The following MAP1S variants were observed in gnomAD, a reference collection of about 807,000 sequenced individuals.
MAP1S encodes the protein microtubule-associated protein 1S.
Under a neutral mutation model 60.9 loss-of-function variants are expected in MAP1S, and 27 were observed. The ratio of observed to expected loss-of-function variants is 0.44; its 90% CI spans 0.33 to 0.61. The LOEUF (loss-of-function observed/expected upper bound fraction) is 0.61, where lower values mean the gene tolerates loss of function less well. Among genes scored for constraint, MAP1S ranks in the 20% least tolerant of loss-of-function variants. MAP1S has a pLI of 0.03. For synonymous variants in MAP1S, 826 were observed against 694.2 expected, an observed-to-expected ratio of 1.19 and a Z score of -2.98; for missense variants, 1,608 against 1,486.6, an observed-to-expected ratio of 1.08 and a Z score of -1.34.
rs1301164721 is a variant in MAP1S, at chr19:17,726,588, T to C, written c.1204T>C (p.Ser402Pro). The C allele has an allele frequency of 6.4e-7, 1 of 1,574,072 alleles. No homozygotes were observed. Among genetic ancestry groups the C allele is most frequent in the Non-Finnish European group, 8.6e-7 (1 of 1,165,298 alleles). The change falls in exon 5 of 7, where the codon TCC (serine) becomes CCC (proline). Residue 402 changes from serine (S) to proline (P), a missense_variant. Transcript: ENST00000324096. ...GGACATGTATGTGCTGCACCCGCCC[T>C]CCGCCGGCGCCGAGCGCACGCTGGC... ...RLDMYVLHPP[S>P]AGAERTLASV...
At chr19:17,719,713 C>A in intron 1 of MAP1S, 93 bp downstream of exon 1, 1 of 450,346 alleles carries the variant, frequency 2.2e-6, no homozygotes, top group Non-Finnish European at 2.9e-6. Flanking sequence ...GCGGCGGCGG[C>A]GGCGGCGGGA....
rs1220605254 is a variant in MAP1S, at chr19:17,726,039, G to A, written c.655G>A (p.Glu219Lys). 2 of 1,613,246 alleles carry A rather than the reference G, an allele frequency of 1.2e-6. No individual in the cohort carries two copies. The highest frequency in any genetic ancestry group is 1.7e-6 in the Non-Finnish European group (2 of 1,179,768). The change falls in exon 5 of 7, where the codon GAG (glutamate) becomes AAG (lysine). Residue 219 changes from glutamate to lysine, a missense_variant. Transcript: ENST00000324096. ...EFLEYVAESLEPPSPFELLEP... is the reference protein window; with the variant it reads ...EFLEYVAESLKPPSPFELLEP... ...CCTGGAGTACGTGGCTGAGTCTCTG[G>A]AGCCACCGTCCCCCTTCGAGCTGCT...
At position 17,734,453 on chromosome 19, in the gene MAP1S, T is replaced by TCAGCC; in HGVS notation, c.*32_*36dup. 6.3e-7 allele frequency: 1 copy of TCAGCC among 1,590,970 alleles called. No individual in the cohort carries two copies. The highest frequency in any genetic ancestry group is 8.6e-7 in the Non-Finnish European group (1 of 1,167,484). On this transcript the variant is annotated 3_prime_UTR_variant, in exon 7 of 7. Transcript: ENST00000324096. ...GCCCCATCGCCGACACGCCCCCCAC[T>TCAGCC]CAGCCCAGCCCGCCTGTCCCTAGAT...
In MAP1S at chr19:17,725,867, G is replaced by T. The variant is rs1048709095; in HGVS notation, c.483G>T (p.Gln161His). Reference protein sequence around the residue: ...DILATTPPPVQPPILTITCPT... With the variant: ...DILATTPPPVHPPILTITCPT... ...TGGCCACCACGCCCCCACCTGTGCA[G>T]CCGCCCATACTCACCATCACCTGCC... The change falls in exon 5 of 7, where the codon CAG (glutamine) becomes CAT (histidine). Residue 161 changes from glutamine to histidine, a missense_variant. Coordinates refer to ENST00000324096, the MANE Select transcript of MAP1S (RefSeq NM_018174.6). This position sits in a 1 kb window ranked among gnomAD's most constrained non-coding sequence, Gnocchi z 4.2. 2 of 1,613,336 alleles carry T rather than the reference G, an allele frequency of 1.2e-6. No homozygotes were observed. Among genetic ancestry groups the T allele is most frequent in the Non-Finnish European group, 1.7e-6 (2 of 1,179,984 alleles).
At position 17,727,159 on chromosome 19, in the gene MAP1S, G is replaced by GCC. The variant is rs774987060; in HGVS notation, c.1781_1782dup (p.Ser595ProfsTer63). On this transcript the variant is annotated frameshift_variant, in exon 5 of 7. Coordinates refer to ENST00000324096, the MANE Select transcript of MAP1S (RefSeq NM_018174.6). LOFTEE classifies it high-confidence loss of function. This position sits in a 1 kb window ranked among gnomAD's most constrained non-coding sequence, Gnocchi z 4.1. ...CCCAGCCTCCGATGTGGAGAAGCCA[G>GCC]CCCCCCCAGTGCAGCCTGCGGCTCT... The GCC allele has an allele frequency of 6.3e-7, 1 of 1,588,152 alleles. No individual in the cohort carries two copies. Among genetic ancestry groups the GCC allele is most frequent in the Non-Finnish European group, 8.5e-7 (1 of 1,170,664 alleles).
intron 2 of MAP1S, among the ~76,000 whole-genome samples, chr19:17,721,641 C>T (rs1168111272): frequency 6.6e-6 from 1 of 152,140 alleles, no homozygotes; most frequent in Non-Finnish European, 1.5e-5. Flanking sequence ...CGCCACTGCA[C>T]TCCTGCCTGA....
At chr19:17,729,537 A>T (rs2080474418) in intron 5 of MAP1S, among the ~76,000 whole-genome samples, 1 of 151,864 alleles carries the variant, frequency 6.6e-6, no homozygotes, top group Admixed American at 6.6e-5. Context: ...ACAGAGTCTC[A>T]CTCTGTCATC....
At chr19:17,720,126 C>G in intron 1 of MAP1S, 1 of 1,268,392 alleles carries the variant, frequency 7.9e-7, no homozygotes, top group Non-Finnish European at 9.9e-7. Flanking sequence ...CGGGTGCGGC[C>G]TGCCCTGGGG....
chr19:17,727,348 C>T lies in MAP1S; in HGVS notation c.1964C>T (p.Ser655Leu), dbSNP rs770862032. The change falls in exon 5 of 7, where the codon TCG becomes TTG. Residue 655 changes from serine to leucine, a missense_variant. Transcript: ENST00000324096. The surrounding 1 kb of genome is among the most constrained non-coding windows in gnomAD (Gnocchi z 4.1). ...CCCGCAGAGGGCAGCGAGCGGCTGT[C>T]GCTGAGCCCACTGCGGGGCGGGGAG... ...RSPAEGSERL[S>L]LSPLRGGEAG... is the part of the protein sequence containing the mutation. 6 of 1,587,928 alleles carry T rather than the reference C, an allele frequency of 3.8e-6. No homozygotes were observed. The highest frequency in any genetic ancestry group is 1.8e-5 in the Admixed American group (1 of 56,814).
rs184568678 is a variant in MAP1S, at chr19:17,732,523, G to A, written c.2789-670G>A. The stretch of plus-strand genomic sequence containing the variant: ...GGCCCCCAGAGCTGCTGTCTCATCC[G>A]CATCCAGCATCCCGCAGTGATCTTG... On this transcript the variant is annotated intron_variant, in intron 5 of 6. Transcript: ENST00000324096. Among the ~76,000 whole-genome samples the A allele has an allele frequency of 1.8e-3, 281 of 152,242 alleles. 1 individual carries two copies. The highest frequency in any genetic ancestry group is 6.1e-3 in the African/African-American group (254 of 41,536).
At chr19:17,733,134 C>T in intron 5 of MAP1S, 59 bp from the exon 6 acceptor site, 2 of 1,215,528 alleles carry the variant, frequency 1.6e-6, no homozygotes, top group Non-Finnish European at 2.3e-6. Flanking sequence ...GAACTTGGAG[C>T]CTCGGCCCCT....
At position 17,725,175 on chromosome 19, in the gene MAP1S, C is replaced by T. The variant is rs1308136803; in HGVS notation, c.430C>T (p.Leu144=). 1 of 1,613,084 alleles carries T rather than the reference C, an allele frequency of 6.2e-7. No individual in the cohort carries two copies. Among genetic ancestry groups the T allele is most frequent in the African/African-American group, 1.3e-5 (1 of 74,928 alleles). ...GFSPHHFLQV[L]KDREIRDILA... is the part of the protein sequence containing the mutation. ...CTCGCCTCACCACTTCCTCCAGGTCCTGAAGGACAGAGAGGTAAGCCACCC... is the reference window on the plus strand; with the variant it reads ...CTCGCCTCACCACTTCCTCCAGGTCTTGAAGGACAGAGAGGTAAGCCACCC... Residue 144 remains leucine (L), a synonymous_variant, in exon 4 of 7, where the codon CTG becomes TTG. Coordinates refer to ENST00000324096, the MANE Select transcript of MAP1S (RefSeq NM_018174.6). The surrounding 1 kb of genome is among the most constrained non-coding windows in gnomAD (Gnocchi z 4.2).
In MAP1S at chr19:17,726,929, TGAGA is replaced by T; in HGVS notation, c.1546_1549del (p.Glu516LysfsTer9). The T allele has an allele frequency of 6.4e-7, 1 of 1,568,838 alleles. No homozygotes were observed. The highest frequency in any genetic ancestry group is 8.6e-7 in the Non-Finnish European group (1 of 1,157,652). ...CACGGGCTGAGGCCCCACGCAAGAC[TGAGA>T]AAGAAGCCAAGACCCCCCGGGAGTT... On this transcript the variant is annotated frameshift_variant, in exon 5 of 7. Transcript: ENST00000324096. LOFTEE classifies it high-confidence loss of function.
intron 5 of MAP1S, among the ~76,000 whole-genome samples, chr19:17,729,772 C>G (rs1461691096): frequency 6.6e-6 from 1 of 152,172 alleles, no homozygotes; most frequent in Non-Finnish European, 1.5e-5. Flanking sequence ...AAGCGATTCT[C>G]CTACCTCAGC....
At chr19:17,720,122 C>T (rs1250838701) in intron 1 of MAP1S, 6 of 1,249,594 alleles carry the variant, frequency 4.8e-6, no homozygotes, top group Non-Finnish European at 6.0e-6. Context: ...TGGGCGGGTG[C>T]GGCCTGCCCT....
In MAP1S at chr19:17,725,976, C is replaced by CCCG. The variant is rs1392518871; in HGVS notation, c.593_594insCGC (p.Ala199dup). ...CCGGCTCCAGCTGCGGCTGAACCCC[C>CCCG]CGGCGCAGCTGCCCAACTCTGAGGG... is the stretch of plus-strand genomic sequence containing the variant. On this transcript the variant is annotated inframe_insertion, in exon 5 of 7. Transcript: ENST00000324096. The surrounding 1 kb of genome is among the most constrained non-coding windows in gnomAD (Gnocchi z 4.2). 12 of 1,612,360 alleles carry CCCG rather than the reference C, an allele frequency of 7.4e-6. No homozygotes were observed. In the African/African-American group the frequency reaches 1.5e-4, roughly 20 times the overall value.
intron 5 of MAP1S, among the ~76,000 whole-genome samples, chr19:17,730,553 C>T (rs890942566): frequency 2.0e-5 from 3 of 152,174 alleles, no homozygotes; most frequent in African/African-American, 7.2e-5. Context: ...CAGCCTCAAG[C>T]GATTCTCTCG....
In MAP1S at chr19:17,726,593, C is replaced by T. The variant is rs1334278387; in HGVS notation, c.1209C>T (p.Ala403=). Residue 403 remains alanine (A), a synonymous_variant, in exon 5 of 7, where the codon GCC becomes GCT. Transcript: ENST00000324096. ...LDMYVLHPPS[A]GAERTLASVC... is the part of the protein sequence containing the mutation. ...TGTATGTGCTGCACCCGCCCTCCGC[C>T]GGCGCCGAGCGCACGCTGGCCTCTG... The T allele has an allele frequency of 2.5e-6, 4 of 1,571,902 alleles. No homozygotes were observed. The highest frequency in any genetic ancestry group is 1.1e-5 in the South Asian group (1 of 87,138).
chr19:17,721,397 C>G, intron 2 of MAP1S: 1 of 350,378 alleles, frequency 2.9e-6, no homozygotes, highest in South Asian at 2.2e-5. Flanking sequence ...CTAGAATGAA[C>G]CGGGCGCGGT....
Sources: gnomAD v4.1 joint callset for allele counts (sites outside exome capture counted in the v4.1 genomes callset) on GRCh38, gnomAD v4.1.1 for gene constraint, Gnocchi (gnomAD v3.1) non-coding constraint, MANE v1.5 for transcripts, NCBI Gene and HGNC (gene_info 2026-07-23, HGNC 2026-07-21) for gene names.